SUSD6: variants seen among roughly 807,000 people sequenced by gnomAD.
SUSD6 encodes the protein sushi domain containing 6.
In SUSD6, 16 loss-of-function variants were observed where a neutral mutation model predicts 28.4. The observed-to-expected ratio is 0.56, with a 90% CI of 0.38 to 0.86. The LOEUF is 0.86. Ranked by LOEUF, SUSD6 falls within the 40% of genes least tolerant of loss-of-function variation. The probability of loss-of-function intolerance (pLI) is 0.00; values close to 1 mark genes in which losing one functional copy is unlikely to be tolerated. For synonymous variants in SUSD6, 147 were observed against 159.6 expected (o/e 0.92, Z 0.59); for missense variants, 341 against 384.2 (o/e 0.89, Z 0.94).
intron 2 of SUSD6, among the ~76,000 whole-genome samples, chr14:69,676,421 C>G (rs1230307602): frequency 6.7e-6 from 1 of 149,676 alleles, no homozygotes; most frequent in African/African-American, 2.5e-5. Context: ...TGCTCTGTTT[C>G]CCAGATTGGA....
chr14:69,664,565 CGAT>C (rs569506846), intron 2 of SUSD6, among the ~76,000 whole-genome samples: 245 of 152,224 alleles, frequency 1.6e-3, no homozygotes, highest in African/African-American at 5.8e-3. Context: ...TTATAGTTCT[CGAT>C]GAACCCTAGT....
At chr14:69,616,563 A>C (rs1055513016) in intron 1 of SUSD6, among the ~76,000 whole-genome samples, 1 of 152,218 alleles carries the variant, frequency 6.6e-6, no homozygotes, top group Admixed American at 6.5e-5. Context: ...AGGTAACTGC[A>C]AAAAGGGTAC....
chr14:69,646,929 C>T (rs1355637068), intron 1 of SUSD6, among the ~76,000 whole-genome samples: 4 of 152,172 alleles, frequency 2.6e-5, no homozygotes, highest in East Asian at 1.9e-4. Context: ...TCTCGAACTC[C>T]TGACCTCGTG....
rs3048696 is a variant in SUSD6, at chr14:69,635,595, CCACACACACACACA to C, written c.-80-22883_-80-22870del. The stretch of plus-strand genomic sequence containing the variant: ...CTGCCCCCACTCCACCCAAGGCACA[CCACACACACACACA>C]CACACACACACACACACACACACAC... On this transcript the variant is annotated intron_variant, in intron 1 of 5. Coordinates refer to ENST00000342745, the MANE Select transcript of SUSD6 (RefSeq NM_014734.4). Among the ~76,000 whole-genome samples, 328 of 143,612 alleles carry C rather than the reference CCACACACACACACA, an allele frequency of 2.3e-3. 2 individuals are homozygous for C. Among genetic ancestry groups the C allele is most frequent in the African/African-American group, 7.1e-3 (274 of 38,754 alleles). 94.2% of individuals were successfully genotyped at this position (143,612 alleles called of 152,430 possible). A position where few individuals can be genotyped will look rare whatever the true frequency, so the allele number is the denominator to read the frequency against.
intron 1 of SUSD6, among the ~76,000 whole-genome samples, chr14:69,649,174 A>C (rs1885468945): frequency 6.6e-6 from 1 of 152,230 alleles, no homozygotes; most frequent in African/African-American, 2.4e-5. Context: ...GTAAGTTGTG[A>C]ATTCCTTGAG....
At chr14:69,654,915 C>T (rs1219139578) in intron 1 of SUSD6, among the ~76,000 whole-genome samples, 1 of 151,642 alleles carries the variant, frequency 6.6e-6, no homozygotes, top group East Asian at 1.9e-4. Flanking sequence ...CTGCCTCAGC[C>T]TCCTGAGTAG....
intron 1 of SUSD6, among the ~76,000 whole-genome samples, chr14:69,626,504 A>G (rs956430094): frequency 1.3e-5 from 2 of 152,128 alleles, no homozygotes; most frequent in Admixed American, 6.5e-5. Flanking sequence ...TTTGCGTTTA[A>G]TGGTGGCTGG....
intron 2 of SUSD6, among the ~76,000 whole-genome samples, chr14:69,667,876 C>T (rs1885768312): frequency 6.6e-6 from 1 of 152,136 alleles, no homozygotes; most frequent in South Asian, 2.1e-4. Context: ...TATGTGTTTG[C>T]ATATAAGCTC....
At chr14:69,634,409 C>T (rs946415921) in intron 1 of SUSD6, among the ~76,000 whole-genome samples, 1 of 152,136 alleles carries the variant, frequency 6.6e-6, no homozygotes, top group African/African-American at 2.4e-5. Flanking sequence ...GGTTTATAGG[C>T]TTATGTTGCA....
intron 1 of SUSD6, among the ~76,000 whole-genome samples, chr14:69,642,709 G>A (rs755603484): frequency 6.7e-6 from 1 of 149,678 alleles, no homozygotes; most frequent in South Asian, 2.1e-4. Context: ...ACAATTCAAG[G>A]TGAGATTTGG....
intron 2 of SUSD6, among the ~76,000 whole-genome samples, chr14:69,669,055 T>G (rs1885789294): frequency 7.6e-6 from 1 of 131,666 alleles, no homozygotes; most frequent in South Asian, 2.4e-4. Context: ...TTTTTTTCTT[T>G]TCTTTTCTTT....
intron 3 of SUSD6, 117 bp from the exon 4 acceptor site, chr14:69,704,487 C>T (rs535266163): frequency 3.2e-5 from 31 of 977,796 alleles, no homozygotes; most frequent in Admixed American, 1.1e-4. Context: ...TGACCCTGAC[C>T]GTAGGATGTC....
rs1165204686 is a variant in SUSD6, at chr14:69,713,849, T to C, written c.*2870T>C. 1 of 150,970 alleles carries C rather than the reference T, an allele frequency of 6.6e-6. No homozygotes were observed. The highest frequency in any genetic ancestry group is 1.5e-5 in the Non-Finnish European group (1 of 67,658). 9.4% of individuals were successfully genotyped at this position (150,970 alleles called of 1,614,324 possible). A position where few individuals can be genotyped will look rare whatever the true frequency, so the allele number is the denominator to read the frequency against. On this transcript the variant is annotated 3_prime_UTR_variant, in exon 6 of 6. Coordinates refer to ENST00000342745, the MANE Select transcript of SUSD6 (RefSeq NM_014734.4). ...TTGTTGGTGTTTGTTTTTTTTTTTT[T>C]TTTTTTGGCACACTTGAGCTGACTC...
chr14:69,685,018 T>A (rs1324878332), intron 2 of SUSD6, among the ~76,000 whole-genome samples: 1 of 152,234 alleles, frequency 6.6e-6, no homozygotes, highest in East Asian at 1.9e-4. Flanking sequence ...TAAACAGGCC[T>A]GACTTTCAGT....
At chr14:69,669,132 C>T (rs1250085515) in intron 2 of SUSD6, among the ~76,000 whole-genome samples, 4 of 141,792 alleles carry the variant, frequency 2.8e-5, no homozygotes, top group South Asian at 2.2e-4. Context: ...GGCGCGATCT[C>T]GGCTCACTGC....
intron 4 of SUSD6, among the ~76,000 whole-genome samples, chr14:69,705,982 A>C (rs559594925): frequency 1.1e-4 from 16 of 152,310 alleles, no homozygotes; most frequent in African/African-American, 3.6e-4. Context: ...GTCCTTCATC[A>C]GTCACTGTTA....
At chr14:69,617,362 AGTTT>A (rs1230680837) in intron 1 of SUSD6, 2 of 152,190 alleles carry the variant, frequency 1.3e-5, no homozygotes, top group Non-Finnish European at 1.5e-5. Flanking sequence ...TAGGTTATGC[AGTTT>A]GTTTGAGGAA....
intron 2 of SUSD6, among the ~76,000 whole-genome samples, chr14:69,687,147 G>A (rs1886085353): frequency 6.6e-6 from 1 of 152,004 alleles, no homozygotes. Flanking sequence ...GCTAATTTTT[G>A]TATTTTTAGT....
intron 1 of SUSD6, among the ~76,000 whole-genome samples, chr14:69,637,740 C>A (rs531572695): frequency 6.6e-6 from 1 of 152,172 alleles, no homozygotes; most frequent in African/African-American, 2.4e-5. Context: ...CAGGCAAGCA[C>A]GTGCAGATTG....
Sources: gnomAD v4.1 joint callset for allele counts (sites outside exome capture counted in the v4.1 genomes callset) on GRCh38, gnomAD v4.1.1 for gene constraint, MANE v1.5 for transcripts, NCBI Gene and HGNC (gene_info 2026-07-23, HGNC 2026-07-21) for gene names.